Variants in TNS1 observed in about 807,000 individuals in gnomAD.
TNS1 encodes the protein tensin 1, also known as tensin-1.
Under a neutral mutation model 168.6 loss-of-function variants are expected in TNS1, and 62 were observed. The observed-to-expected ratio is 0.37, with a 90% confidence interval of 0.30 to 0.45. TNS1 has a LOEUF of 0.45. TNS1 is among the 20% of genes least tolerant of loss of function. The pLI is 1.00. For synonymous variants in TNS1, 934 were observed against 933.2 expected (o/e 1.00, Z -0.02); for missense variants, 2,240 against 2,339.4 (o/e 0.96, Z 0.88).
At position 217,995,162 on chromosome 2, in the gene TNS1, A is replaced by G. The variant is rs1001695760; in HGVS notation, c.34-4106T>C. Among the ~76,000 whole-genome samples the G allele has an allele frequency of 4.3e-4, 65 of 152,270 alleles. No homozygotes were observed. Among genetic ancestry groups the G allele is most frequent in the African/African-American group, 1.4e-3 (59 of 41,560 alleles). On this transcript the variant is annotated intron_variant, in intron 1 of 32. Coordinates refer to ENST00000682258, the MANE Select transcript of TNS1 (RefSeq NM_001387777.1). This position sits in a 1 kb window ranked among gnomAD's most constrained non-coding sequence, Gnocchi z 4.1. ...GAAACTCTGGTAGGAGCGAGGGACT[A>G]GCTCTGCCACCTCCAGGCAAGTGGC...
intron 25 of TNS1, among the ~76,000 whole-genome samples, chr2:217,814,614 C>A (rs1941570618): frequency 6.6e-6 from 1 of 152,222 alleles, no homozygotes; most frequent in African/African-American, 2.4e-5. Flanking sequence ...CCTCCCACAT[C>A]AGGCAGACAG....
intron 1 of TNS1, 31 bp downstream of exon 1, chr2:218,002,809 G>A (rs1252752600): frequency 4.4e-6 from 2 of 456,564 alleles, no homozygotes; most frequent in African/African-American, 2.0e-5. Flanking sequence ...TTGAGGAAGA[G>A]TAACGTCGCA....
chr2:218,031,140 G>GTA (rs58688185), intron 1 of TNS1, among the ~76,000 whole-genome samples: 6 of 140,864 alleles, frequency 4.3e-5, no homozygotes, highest in African/African-American at 1.1e-4. Context: ...GTGTGTGTGT[G>GTA]TATGTGTTGT....
intron 6 of TNS1, chr2:217,905,606 C>G: frequency 8.0e-6 from 2 of 248,450 alleles, no homozygotes; most frequent in Non-Finnish European, 1.6e-5. Flanking sequence ...TCCTCTGCAG[C>G]CCAGGGCGGG....
intron 6 of TNS1, among the ~76,000 whole-genome samples, chr2:217,904,797 T>C (rs1007447922): frequency 1.3e-5 from 2 of 152,242 alleles, no homozygotes; most frequent in African/African-American, 4.8e-5. Flanking sequence ...GGGATCCATC[T>C]GGCCCAGACT....
chr2:217,834,978 C>T lies in TNS1; in HGVS notation c.3280+113G>A, dbSNP rs1041799328. The T allele has an allele frequency of 5.8e-6, 5 of 864,032 alleles. No individual in the cohort carries two copies. The African/African-American group carries it at 8.9e-5, about 15-fold the overall frequency. The allele number at this position is 864,032 out of a possible 1,614,324, so 53.5% of individuals were successfully genotyped here. ...AGTGAGGAGCAGCACGTTCTGGCCC[C>T]ACCTGGGGCACTGTCACCCCCAACC... On this transcript the variant is annotated intron_variant, in intron 21 of 32. Coordinates refer to ENST00000682258, the MANE Select transcript of TNS1 (RefSeq NM_001387777.1).
intron 32 of TNS1, among the ~76,000 whole-genome samples, chr2:217,806,838 C>T (rs983998545): frequency 6.6e-6 from 1 of 152,248 alleles, no homozygotes; most frequent in African/African-American, 2.4e-5. Flanking sequence ...TATATACCAC[C>T]TCCCCATGTG....
At chr2:217,946,037 G>A (rs143306763) in intron 3 of TNS1, among the ~76,000 whole-genome samples, 14 of 152,192 alleles carry the variant, frequency 9.2e-5, no homozygotes, top group Admixed American at 2.6e-4. Context: ...ACATCAAAGC[G>A]TCCCAGCTCC....
chr2:217,920,045 C>T (rs934679450), intron 4 of TNS1, 150 bp downstream of exon 4: 5 of 653,876 alleles, frequency 7.6e-6, no homozygotes, highest in Middle Eastern at 2.4e-4. Context: ...CTCCCAGGCC[C>T]GCTTCGGCCC....
At position 217,873,646 on chromosome 2, in the gene TNS1, G is replaced by C. The variant is rs569476620; in HGVS notation, c.1429+7252C>G. On this transcript the variant is annotated intron_variant, in intron 18 of 32. Coordinates refer to ENST00000682258, the MANE Select transcript of TNS1 (RefSeq NM_001387777.1). ...GATTTCAGCAGGAGGAGGCTGGAGG[G>C]AGCGAAGGATGACTGGGCTGAGGAA... 5.9e-5 allele frequency among the ~76,000 whole-genome samples: 9 copies of C among 152,296 alleles called. No homozygotes were observed. The South Asian group carries it at 1.9e-3, about 32-fold the overall frequency.
intron 1 of TNS1, among the ~76,000 whole-genome samples, chr2:218,030,342 C>T (rs1958881585): frequency 6.6e-6 from 1 of 152,222 alleles, no homozygotes; most frequent in East Asian, 1.9e-4. Context: ...CCTTCACCTT[C>T]CCGGTGCAAT....
intron 3 of TNS1, among the ~76,000 whole-genome samples, chr2:217,940,620 G>A (rs1192908775): frequency 6.6e-6 from 1 of 152,138 alleles, no homozygotes. Flanking sequence ...CATCGGAAAG[G>A]ACCTCCCTCT....
Position 217,995,498 on chromosome 2 carries a change from G to C in TNS1, c.34-4442C>G, listed in dbSNP as rs895192283. ...AAATATGGGCTAAGAAGAAAAGCGG[G>C]GTGCCTGGTACCTACCCAGCCCTCC... On this transcript the variant is annotated intron_variant, in intron 1 of 32. Transcript: ENST00000682258. This position sits in a 1 kb window ranked among gnomAD's most constrained non-coding sequence, Gnocchi z 4.1. Among the ~76,000 whole-genome samples the C allele has an allele frequency of 1.3e-5, 2 of 152,132 alleles. No individual in the cohort carries two copies. Among genetic ancestry groups the C allele is most frequent in the African/African-American group, 4.8e-5 (2 of 41,430 alleles).
chr2:217,942,385 G>A (rs1956956235), intron 3 of TNS1, among the ~76,000 whole-genome samples: 2 of 152,154 alleles, frequency 1.3e-5, no homozygotes, highest in African/African-American at 4.8e-5. Flanking sequence ...GGTCTCCAGT[G>A]CTGATCCCAT....
intron 21 of TNS1, among the ~76,000 whole-genome samples, chr2:217,833,538 G>T (rs568195501): frequency 3.3e-5 from 5 of 152,240 alleles, no homozygotes; most frequent in African/African-American, 1.2e-4. Flanking sequence ...TTCCACCCAA[G>T]GCAAGGTGAT....
At chr2:217,886,145 T>C (rs774329162) in intron 13 of TNS1, 41 bp from the exon 14 acceptor site, 14 of 1,607,374 alleles carry the variant, frequency 8.7e-6, no homozygotes, top group Middle Eastern at 1.7e-4. Flanking sequence ...CAGCAGAAAC[T>C]GGCAGGCAGG....
intron 18 of TNS1, among the ~76,000 whole-genome samples, chr2:217,868,657 C>T (rs1330198396): frequency 6.6e-6 from 1 of 152,220 alleles, no homozygotes; most frequent in African/African-American, 2.4e-5. Flanking sequence ...CAGGTACTAG[C>T]CTTCTCCCCA....
rs997113234 is a variant in TNS1, at chr2:217,896,899, T to C, written c.543+899A>G. On this transcript the variant is annotated intron_variant, in intron 8 of 32. Coordinates refer to ENST00000682258, the MANE Select transcript of TNS1 (RefSeq NM_001387777.1). Reference sequence around the variant, plus strand: ...AATACCTAATACAATATAAACGCTCTGCAAATAGTTGTTCTGCTGTATTGT... The same window carrying C: ...AATACCTAATACAATATAAACGCTCCGCAAATAGTTGTTCTGCTGTATTGT... Among the ~76,000 whole-genome samples the C allele has an allele frequency of 6.6e-5, 10 of 152,368 alleles. No individual in the cohort carries two copies. In the East Asian group the frequency reaches 1.9e-3, roughly 29 times the overall value.
At chr2:217,912,261 C>A (rs1954500145) in intron 4 of TNS1, among the ~76,000 whole-genome samples, 1 of 152,186 alleles carries the variant, frequency 6.6e-6, no homozygotes, top group Non-Finnish European at 1.5e-5. Flanking sequence ...AAGGAAACAA[C>A]AGGGTGGGGG....
Sources: gnomAD v4.1 joint callset for allele counts (sites outside exome capture counted in the v4.1 genomes callset) on GRCh38, gnomAD v4.1.1 for gene constraint, Gnocchi (gnomAD v3.1) non-coding constraint, MANE v1.5 for transcripts, NCBI Gene and HGNC (gene_info 2026-07-23, HGNC 2026-07-21) for gene names.